Variants in PTPRO observed in about 807,000 individuals in gnomAD.
PTPRO encodes the protein protein tyrosine phosphatase receptor type O.
A neutral mutation model predicts 145.2 loss-of-function variants in PTPRO; 62 were observed. That is an observed-to-expected ratio of 0.43 (90% CI 0.35 to 0.53). The LOEUF (loss-of-function observed/expected upper bound fraction) is 0.53. PTPRO is among the 20% of genes least tolerant of loss of function. The pLI, the probability that PTPRO is intolerant of heterozygous loss-of-function variation, is 0.01. For missense variants in PTPRO, 1,345 were observed against 1,482.7 expected, an observed-to-expected ratio of 0.91 and a Z score of 1.53; for synonymous variants, 565 against 514.7, an observed-to-expected ratio of 1.10 and a Z score of -1.32.
chr12:15,467,939 T>G (rs75364966), intron 1 of PTPRO, among the ~76,000 whole-genome samples: 5,609 of 152,292 alleles, frequency 0.037, 155 homozygotes, highest in African/African-American at 0.064. Context: ...CATTAGATAT[T>G]TCCAGTCTTG....
At chr12:15,423,769 G>T (rs1037362129) in intron 1 of PTPRO, among the ~76,000 whole-genome samples, 1 of 152,090 alleles carries the variant, frequency 6.6e-6, no homozygotes, top group Admixed American at 6.5e-5. Context: ...ATAATCACAG[G>T]TTCATTCCTA....
At chr12:15,399,971 A>G (rs891907214) in intron 1 of PTPRO, among the ~76,000 whole-genome samples, 1 of 146,106 alleles carries the variant, frequency 6.8e-6, no homozygotes, top group African/African-American at 2.5e-5. Context: ...GAATCGCTTG[A>G]ACCCAGGAGG....
rs937928542 is a variant in PTPRO at position 15,539,345 on chromosome 12, A to T, written c.2165-7224A>T. On this transcript the variant is annotated intron_variant, in intron 12 of 26. Coordinates refer to ENST00000281171, the MANE Select transcript of PTPRO (RefSeq NM_030667.3). Reference sequence around the variant, plus strand: ...AATTTAAAAAAAAGAAAGTAATGTTAAATGGGAGCTTTCTCTGAAAAACTC... The same window carrying T: ...AATTTAAAAAAAAGAAAGTAATGTTTAATGGGAGCTTTCTCTGAAAAACTC... 7.2e-5 allele frequency among the ~76,000 whole-genome samples: 11 copies of T among 152,318 alleles called. No homozygotes were observed. The East Asian group carries it at 2.1e-3, about 29-fold the overall frequency.
chr12:15,378,930 T>A (rs981360820), intron 1 of PTPRO, among the ~76,000 whole-genome samples: 1 of 152,036 alleles, frequency 6.6e-6, no homozygotes, highest in Admixed American at 6.6e-5. Flanking sequence ...AAAAAGATAC[T>A]CAAAAGCATT....
At chr12:15,408,178 G>T (rs948935992) in intron 1 of PTPRO, among the ~76,000 whole-genome samples, 3 of 151,692 alleles carry the variant, frequency 2.0e-5, no homozygotes, top group Non-Finnish European at 2.9e-5. Context: ...AAAGATGTTA[G>T]TCATTATTGG....
rs1404775275 is a variant in PTPRO at position 15,501,985 on chromosome 12, G to C, written c.1027G>C (p.Val343Leu). 2.5e-6 allele frequency: 4 copies of C among 1,613,986 alleles called. No individual in the cohort carries two copies. The highest frequency in any genetic ancestry group is 1.3e-5 in the African/African-American group (1 of 75,016). Residue 343 changes from valine to leucine, a missense_variant, in exon 5 of 27, where the codon GTG (valine) becomes CTG (leucine). Coordinates refer to ENST00000281171, the MANE Select transcript of PTPRO (RefSeq NM_030667.3). ...ATCAGGCTCTTTCTCCTTTTTCCCT[G>C]TGCAAATGATATTGACCTGGTTACC... is the stretch of plus-strand genomic sequence containing the variant. ...STSGSFSFFP[V>L]QMILTWLPPK...
At chr12:15,330,409 T>A (rs1173133421) in intron 1 of PTPRO, among the ~76,000 whole-genome samples, 1 of 152,172 alleles carries the variant, frequency 6.6e-6, no homozygotes, top group Non-Finnish European at 1.5e-5. Flanking sequence ...AGATAACATG[T>A]GTGCTGGACA....
intron 2 of PTPRO, among the ~76,000 whole-genome samples, chr12:15,496,788 A>G (rs1290854427): frequency 1.3e-5 from 2 of 152,222 alleles, no homozygotes; most frequent in East Asian, 1.9e-4. Context: ...TATAACTATC[A>G]TTGGTCTGAG....
chr12:15,561,015 A>G (rs920117355), intron 17 of PTPRO, among the ~76,000 whole-genome samples: 2 of 152,104 alleles, frequency 1.3e-5, no homozygotes, highest in African/African-American at 4.8e-5. Flanking sequence ...TTTAATATGT[A>G]ATGATAACAG....
chr12:15,495,971 G>C (rs1942092395), intron 2 of PTPRO, among the ~76,000 whole-genome samples: 1 of 151,980 alleles, frequency 6.6e-6, no homozygotes, highest in African/African-American at 2.4e-5. Flanking sequence ...TTTTGTCCCT[G>C]ACATCATTTA....
intron 18 of PTPRO, among the ~76,000 whole-genome samples, chr12:15,566,448 A>T (rs752567259): frequency 3.3e-5 from 5 of 152,164 alleles, no homozygotes; most frequent in Admixed American, 6.5e-5. Context: ...GTGGCATATA[A>T]TTTTATGGCA....
At chr12:15,481,155 A>C (rs1042709756) in intron 1 of PTPRO, among the ~76,000 whole-genome samples, 1 of 151,422 alleles carries the variant, frequency 6.6e-6, no homozygotes, top group Non-Finnish European at 1.5e-5. Context: ...TTCTTGCCCA[A>C]ACAATGAAAT....
intron 1 of PTPRO, among the ~76,000 whole-genome samples, chr12:15,332,620 T>C (rs1447942987): frequency 1.3e-5 from 2 of 152,232 alleles, no homozygotes; most frequent in African/African-American, 2.4e-5. Context: ...CATTGAATCA[T>C]AAAGCCATAT....
chr12:15,380,710 A>T (rs138034804), intron 1 of PTPRO, among the ~76,000 whole-genome samples: 1 of 152,308 alleles, frequency 6.6e-6, no homozygotes, highest in Non-Finnish European at 1.5e-5. Flanking sequence ...TCACCAATAG[A>T]ACTAAGCAAA....
Position 15,546,553 on chromosome 12 carries a change from C to T in PTPRO, c.2165-16C>T, listed in dbSNP as rs978685374. ...TTAGTAAATTAAATTTTTTTTAAAA[C>T]TTTGTCTTTGCTCAGAACCAGCTCC... On this transcript the variant is annotated splice_polypyrimidine_tract_variant and intron_variant, in intron 12 of 26. Transcript: ENST00000281171. 1.3e-6 allele frequency: 2 copies of T among 1,574,182 alleles called. No individual in the cohort carries two copies. Among genetic ancestry groups the T allele is most frequent in the African/African-American group, 2.7e-5 (2 of 73,406 alleles).
intron 1 of PTPRO, among the ~76,000 whole-genome samples, chr12:15,446,669 G>C (rs1298836637): frequency 1.3e-5 from 2 of 151,694 alleles, no homozygotes; most frequent in East Asian, 3.9e-4. Context: ...CAAGTTACTT[G>C]GGATGTCATA....
intron 23 of PTPRO, among the ~76,000 whole-genome samples, chr12:15,584,220 G>T (rs1329303957): frequency 6.6e-6 from 1 of 152,180 alleles, no homozygotes; most frequent in East Asian, 1.9e-4. Context: ...GTGAATGAAT[G>T]AGTTATTTCA....
intron 1 of PTPRO, among the ~76,000 whole-genome samples, chr12:15,442,068 C>T (rs114326711): frequency 0.029 from 4,372 of 152,100 alleles, 226 homozygotes; most frequent in African/African-American, 0.099. Flanking sequence ...TGCAGGCCAA[C>T]ATTCCTGATG....
At chr12:15,478,133 G>A (rs1490954133) in intron 1 of PTPRO, among the ~76,000 whole-genome samples, 1 of 152,182 alleles carries the variant, frequency 6.6e-6, no homozygotes, top group Non-Finnish European at 1.5e-5. Context: ...TGGAGGGTAT[G>A]GGTACAAGAG....
Sources: allele counts gnomAD v4.1 joint callset (sites outside exome capture counted in the v4.1 genomes callset), GRCh38; gene constraint gnomAD v4.1.1; transcripts MANE v1.5; gene names NCBI Gene and HGNC (gene_info 2026-07-23, HGNC 2026-07-21).